Variants in NBEAL1 observed in about 807,000 individuals in gnomAD.
NBEAL1 encodes neurobeachin-like protein 1.
A neutral mutation model predicts 351.3 loss-of-function variants in NBEAL1; 273 were observed. The observed-to-expected ratio is 0.78, with a 90% CI of 0.70 to 0.86. NBEAL1 has a LOEUF of 0.86. NBEAL1 is among the 40% of genes least tolerant of loss of function. The probability of loss-of-function intolerance (pLI) is 0.00; values close to 1 mark genes in which losing one functional copy is unlikely to be tolerated. For missense variants in NBEAL1, 2,961 were observed against 3,201.3 expected (o/e 0.92, Z 1.81); for synonymous variants, 1,050 against 1,086.4 (o/e 0.97, Z 0.66).
chr2:203,065,611 G>A (rs192912452), intron 6 of NBEAL1, among the ~76,000 whole-genome samples: 1,642 of 152,254 alleles, frequency 0.011, 13 homozygotes, highest in Non-Finnish European at 0.016. Context: ...AATTAGCCAG[G>A]TGTGGTGGCG....
chr2:203,161,963 T>C (rs2063975995), intron 36 of NBEAL1, among the ~76,000 whole-genome samples: 1 of 151,922 alleles, frequency 6.6e-6, no homozygotes, highest in South Asian at 2.1e-4. Context: ...GTTCATGATT[T>C]GTATATCTGC....
chr2:203,097,383 T>G (rs757257319), intron 10 of NBEAL1, among the ~76,000 whole-genome samples, 164 bp from the exon 11 acceptor site: 1 of 152,182 alleles, frequency 6.6e-6, no homozygotes, highest in Non-Finnish European at 1.5e-5. Context: ...TAGTTCATAA[T>G]CCAAAAAGTG....
chr2:203,091,964 A>C (rs1055177496), intron 10 of NBEAL1, among the ~76,000 whole-genome samples: 1 of 152,222 alleles, frequency 6.6e-6, no homozygotes, highest in African/African-American at 2.4e-5. Context: ...TAATGTCTAT[A>C]TAATATTGTA....
At chr2:203,131,920 G>T in intron 25 of NBEAL1, 53 bp from the exon 26 acceptor site, 1 of 1,282,148 alleles carries the variant, frequency 7.8e-7, no homozygotes, top group Non-Finnish European at 1.0e-6. Flanking sequence ...AATGTTAAAT[G>T]ACAAACTATT....
At chr2:203,109,553 C>T (rs1056044465) in intron 14 of NBEAL1, among the ~76,000 whole-genome samples, 1 of 151,602 alleles carries the variant, frequency 6.6e-6, no homozygotes, top group Non-Finnish European at 1.5e-5. Context: ...GAGTTTTGCT[C>T]TTGTCGCCCA....
rs779654980 is a variant in NBEAL1 at position 203,190,294 on chromosome 2, G to A, written c.6826G>A (p.Ala2276Thr). The A allele has an allele frequency of 1.0e-5, 16 of 1,603,942 alleles. No homozygotes were observed. Among genetic ancestry groups the A allele is most frequent in the East Asian group, 2.2e-5 (1 of 44,826 alleles). The change falls in exon 46 of 56, where the codon GCT (alanine) becomes ACT (threonine). Residue 2276 changes from alanine (A) to threonine (T), a missense_variant and splice_region_variant. Physicochemically the swap from Ala to Thr is moderately conservative, Grantham distance 58 (BLOSUM62 0). Coordinates refer to ENST00000683969, the MANE Select transcript of NBEAL1 (RefSeq NM_001378026.1). ...AAGTTGACTTCTTCTGGTTTTAGGA[G>A]CTGTGGATCTGGATGCCTTAACAGA... The part of the protein sequence containing the change: ...NVFYYCSYEG[A>T]VDLDALTDEK...
At chr2:203,145,940 C>CCAAGG (rs1289544762) in intron 33 of NBEAL1, among the ~76,000 whole-genome samples, 1 of 149,130 alleles carries the variant, frequency 6.7e-6, no homozygotes, top group Admixed American at 6.6e-5. Context: ...ATCAATGAAA[C>CCAAGG]CAAGGTCGAA....
intron 36 of NBEAL1, among the ~76,000 whole-genome samples, chr2:203,162,531 T>G (rs1031009748): frequency 6.6e-6 from 1 of 151,848 alleles, no homozygotes; most frequent in Non-Finnish European, 1.5e-5. Flanking sequence ...TCACTTGAGC[T>G]CAGGATCTCC....
chr2:203,142,636 A>C (rs1385373394), intron 31 of NBEAL1, among the ~76,000 whole-genome samples: 1 of 152,232 alleles, frequency 6.6e-6, no homozygotes, highest in East Asian at 1.9e-4. Flanking sequence ...GTGTAAACTT[A>C]GTGTTTATTT....
intron 31 of NBEAL1, 33 bp from the exon 32 acceptor site, chr2:203,144,567 C>CT: frequency 6.4e-7 from 1 of 1,562,172 alleles, no homozygotes; most frequent in Non-Finnish European, 8.7e-7. Flanking sequence ...TTGCTTTAGT[C>CT]TGCTCTTTCT....
chr2:203,181,393 A>G (rs2064713491), intron 43 of NBEAL1: 1 of 152,226 alleles, frequency 6.6e-6, no homozygotes, highest in Non-Finnish European at 1.5e-5. Context: ...ATGCAAGAGT[A>G]GGCAAATTAA....
At chr2:203,043,836 G>T (rs1241236134) in intron 3 of NBEAL1, among the ~76,000 whole-genome samples, 4 of 152,086 alleles carry the variant, frequency 2.6e-5, no homozygotes, top group African/African-American at 9.7e-5. Flanking sequence ...AAAAGTGTTT[G>T]CATTTTGGGG....
At chr2:203,037,838 C>T (rs2061064276) in intron 2 of NBEAL1, among the ~76,000 whole-genome samples, 1 of 148,782 alleles carries the variant, frequency 6.7e-6, no homozygotes, top group South Asian at 2.1e-4. Context: ...AGCTGTAATC[C>T]CAGCTACTTG....
At chr2:203,106,394 A>T (rs976160412) in intron 12 of NBEAL1, among the ~76,000 whole-genome samples, 1 of 152,204 alleles carries the variant, frequency 6.6e-6, no homozygotes, top group Admixed American at 6.5e-5. Context: ...AAATGTTGAC[A>T]TAACTCATGG....
chr2:203,216,000 A>G (rs1320977195), intron 55 of NBEAL1, among the ~76,000 whole-genome samples: 3 of 94,096 alleles, frequency 3.2e-5, no homozygotes, highest in Non-Finnish European at 6.7e-5. Flanking sequence ...AACAGAGTGA[A>G]ACCCTGTCTA....
At chr2:203,184,021 T>C (rs935213063) in intron 44 of NBEAL1, among the ~76,000 whole-genome samples, 1 of 135,954 alleles carries the variant, frequency 7.4e-6, no homozygotes, top group Non-Finnish European at 1.5e-5. Flanking sequence ...GAGGTTGCAG[T>C]GAGCTGAGAT....
At chr2:203,070,593 A>T (rs2061665868) in intron 7 of NBEAL1, among the ~76,000 whole-genome samples, 1 of 152,130 alleles carries the variant, frequency 6.6e-6, no homozygotes, top group African/African-American at 2.4e-5. Context: ...TAAAGAAAAG[A>T]GGTTTAATTG....
chr2:203,092,202 T>C (rs2062078636), intron 10 of NBEAL1, among the ~76,000 whole-genome samples: 1 of 152,164 alleles, frequency 6.6e-6, no homozygotes, highest in South Asian at 2.1e-4. Context: ...GTTCTTGATA[T>C]ACATGCAATT....
intron 2 of NBEAL1, chr2:203,040,360 C>G (rs1332632887): frequency 2.8e-6 from 2 of 711,000 alleles, no homozygotes; most frequent in South Asian, 1.5e-5. Flanking sequence ...GCCAGATAAA[C>G]ATGCCATGGC....
Sources: allele counts gnomAD v4.1 joint callset (sites outside exome capture counted in the v4.1 genomes callset), GRCh38; gene constraint gnomAD v4.1.1; transcripts MANE v1.5; gene names NCBI Gene and HGNC (gene_info 2026-07-23, HGNC 2026-07-21).